The following LRCH3 variants were observed in gnomAD, a reference collection of about 807,000 sequenced individuals.
The protein encoded by LRCH3 is leucine rich repeats and calponin homology domain containing 3, also known as DISP complex protein LRCH3.
A neutral mutation model predicts 104.5 loss-of-function variants in LRCH3; 68 were observed. The ratio of observed to expected loss-of-function variants is 0.65; its 90% CI spans 0.54 to 0.80. The LOEUF is 0.80. Ranked by LOEUF, LRCH3 falls within the 30% of genes least tolerant of loss-of-function variation. LRCH3 has a pLI of 0.00. For synonymous variants in LRCH3, 344 were observed against 361.3 expected (o/e 0.95, Z 0.54); for missense variants, 951 against 953.9 (o/e 1.00, Z 0.04).
intron 4 of LRCH3, among the ~76,000 whole-genome samples, chr3:197,825,464 A>ATTTGT (rs1735061020): frequency 5.0e-5 from 1 of 20,032 alleles, no homozygotes; most frequent in South Asian, 1.9e-3. Context: ...ATCCTCTTTG[A>ATTTGT]TTTTTTTTTT....
chr3:197,809,307 A>AG lies in LRCH3; in HGVS notation c.263-5601_263-5600insG, dbSNP rs952417233. Among the ~76,000 whole-genome samples the AG allele has an allele frequency of 5.4e-4, 82 of 152,196 alleles. 2 individuals carry two copies. Among genetic ancestry groups the AG allele is most frequent in the Middle Eastern group, 3.4e-3 (1 of 294 alleles). ...AGTGAGACCCTGTCTAAAAAAAAAA[A>AG]AAGGACTTTTTTTCTCTGTCTTCCG... On this transcript the variant is annotated intron_variant, in intron 1 of 20. Transcript: ENST00000425562.
intron 12 of LRCH3, among the ~76,000 whole-genome samples, chr3:197,849,669 A>G (rs1229120326): frequency 6.6e-6 from 1 of 152,212 alleles, no homozygotes; most frequent in Non-Finnish European, 1.5e-5. Flanking sequence ...GGAGGTGTTC[A>G]GGTTTCACAG....
At chr3:197,838,405 G>C (rs1737224377) in intron 9 of LRCH3, among the ~76,000 whole-genome samples, 1 of 152,196 alleles carries the variant, frequency 6.6e-6, no homozygotes, top group African/African-American at 2.4e-5. Flanking sequence ...CTCACCAAAA[G>C]TTTCTAATGA....
intron 5 of LRCH3, among the ~76,000 whole-genome samples, chr3:197,828,826 G>C (rs1735559847): frequency 6.7e-6 from 1 of 149,080 alleles, no homozygotes; most frequent in African/African-American, 2.5e-5. Flanking sequence ...TCCTGCCTCA[G>C]CCTCCCGAGT....
intron 3 of LRCH3, among the ~76,000 whole-genome samples, chr3:197,818,351 A>G (rs1203133242): frequency 6.6e-6 from 1 of 152,188 alleles, no homozygotes; most frequent in Admixed American, 6.6e-5. Flanking sequence ...AAACCAGACT[A>G]CCTTAACTCT....
chr3:197,836,015 G>A (rs1368336395), intron 9 of LRCH3, among the ~76,000 whole-genome samples, 193 bp downstream of exon 9: 5 of 152,098 alleles, frequency 3.3e-5, no homozygotes, highest in Non-Finnish European at 7.4e-5. Context: ...GTAGGCTTTA[G>A]GTTTATTTTT....
chr3:197,882,829 A>G (rs528856191), intron 20 of LRCH3: 10 of 985,386 alleles, frequency 1.0e-5, no homozygotes, highest in Admixed American at 1.2e-4. Context: ...AAGCTTACAT[A>G]GTAGTTCCCT....
chr3:197,819,690 C>T (rs773529794), intron 3 of LRCH3, among the ~76,000 whole-genome samples: 1 of 150,464 alleles, frequency 6.6e-6, no homozygotes, highest in Non-Finnish European at 1.5e-5. Flanking sequence ...CACTCCAGCT[C>T]GGGTGACAAC....
Position 197,870,296 on chromosome 3 carries a change from G to A in LRCH3, c.1992+18G>A. 1 of 1,606,312 alleles carries A rather than the reference G, an allele frequency of 6.2e-7. No individual in the cohort carries two copies. The highest frequency in any genetic ancestry group is 8.5e-7 in the Non-Finnish European group (1 of 1,174,266). On this transcript the variant is annotated intron_variant, in intron 18 of 20. Transcript: ENST00000425562. ...TGCGTAAAGTATGTACATTACCTTTGATTTACACTTTTTCAGTATTACTGC... is the reference window on the plus strand; with the variant it reads ...TGCGTAAAGTATGTACATTACCTTTAATTTACACTTTTTCAGTATTACTGC...
At chr3:197,799,901 G>C (rs771492103) in intron 1 of LRCH3, among the ~76,000 whole-genome samples, 2 of 151,656 alleles carry the variant, frequency 1.3e-5, no homozygotes, top group African/African-American at 4.8e-5. Context: ...AAAAGAACAG[G>C]CCGGGTGCAG....
intron 1 of LRCH3, among the ~76,000 whole-genome samples, chr3:197,798,414 G>C (rs895585355): frequency 6.6e-6 from 1 of 152,220 alleles, no homozygotes; most frequent in Non-Finnish European, 1.5e-5. Flanking sequence ...TACAGAAAAT[G>C]AGAAAGCAAA....
chr3:197,869,654 T>C (rs749335604), intron 17 of LRCH3, among the ~76,000 whole-genome samples: 2 of 127,686 alleles, frequency 1.6e-5, no homozygotes, highest in Non-Finnish European at 3.2e-5. Flanking sequence ...GCAGTGTACC[T>C]GCAGGAGGTA....
chr3:197,812,240 C>T (rs975215133), intron 1 of LRCH3, among the ~76,000 whole-genome samples: 4 of 152,146 alleles, frequency 2.6e-5, no homozygotes, highest in Admixed American at 2.6e-4. Context: ...GTTCTAGGGA[C>T]TTCATATAAA....
intron 14 of LRCH3, among the ~76,000 whole-genome samples, chr3:197,857,205 A>G (rs1740367940): frequency 7.4e-6 from 1 of 135,556 alleles, no homozygotes; most frequent in Non-Finnish European, 1.5e-5. Flanking sequence ...TTACACTGAC[A>G]TTGTCTTCGG....
At chr3:197,850,328 A>G in intron 12 of LRCH3, 1 of 733,710 alleles carries the variant, frequency 1.4e-6, no homozygotes, top group Non-Finnish European at 2.2e-6. Flanking sequence ...AATTCTCCCA[A>G]CTCTCTTTAG....
At chr3:197,816,043 C>A (rs897477993) in intron 2 of LRCH3, among the ~76,000 whole-genome samples, 4 of 151,876 alleles carry the variant, frequency 2.6e-5, no homozygotes, top group African/African-American at 9.7e-5. Context: ...TAGTTTCTTC[C>A]AGTTTTTCAC....
intron 20 of LRCH3, among the ~76,000 whole-genome samples, chr3:197,879,959 T>TTG (rs1553791060): frequency 0.022 from 3,236 of 150,432 alleles, 114 homozygotes; most frequent in African/African-American, 0.075. Flanking sequence ...TTTTTTTTTT[T>TTG]TTTTGAGACG....
At chr3:197,824,354 C>T (rs181539578) in intron 4 of LRCH3, among the ~76,000 whole-genome samples, 5,568 of 117,894 alleles carry the variant, frequency 0.047, 522 homozygotes, top group African/African-American at 0.16. Flanking sequence ...TGAGCCACCA[C>T]GCCCGGCTTT....
intron 20 of LRCH3, chr3:197,882,206 A>C (rs995526083): frequency 1.4e-5 from 14 of 985,326 alleles, no homozygotes; most frequent in Non-Finnish European, 1.7e-5. Flanking sequence ...CCGGCCGCGC[A>C]GGTCCTAGGG....
Sources: gnomAD v4.1 joint callset for allele counts (sites outside exome capture counted in the v4.1 genomes callset) on GRCh38, gnomAD v4.1.1 for gene constraint, MANE v1.5 for transcripts, NCBI Gene and HGNC (gene_info 2026-07-23, HGNC 2026-07-21) for gene names.